The following C12orf42 variants were observed in gnomAD, a reference collection of about 807,000 sequenced individuals.
C12orf42 encodes the protein uncharacterized protein C12orf42.
Under a neutral mutation model 21.6 loss-of-function variants are expected in C12orf42, and 25 were observed. The observed-to-expected ratio is 1.16, with a 90% CI of 0.84 to 1.62. C12orf42 has a LOEUF of 1.62. Among genes scored for constraint, C12orf42 ranks in the 40% most tolerant of loss-of-function variants. The pLI, the probability that C12orf42 is intolerant of heterozygous loss-of-function variation, is 0.00. For missense variants in C12orf42, 483 were observed against 459.3 expected, an observed-to-expected ratio of 1.05 and a Z score of -0.47; for synonymous variants, 174 against 175.0, an observed-to-expected ratio of 0.99 and a Z score of 0.05.
chr12:103,379,972 T>C lies in C12orf42; in HGVS notation c.148-10974A>G, dbSNP rs572029590. On this transcript the variant is annotated intron_variant, in intron 3 of 5. Transcript: ENST00000548883. Reference sequence around the variant, plus strand: ...AGCGATAATGCAGCTTAGCATTGGTTTGGGCTTTTTCTTTAGCCAAAAGAT... The same window carrying C: ...AGCGATAATGCAGCTTAGCATTGGTCTGGGCTTTTTCTTTAGCCAAAAGAT... Among the ~76,000 whole-genome samples the C allele has an allele frequency of 4.6e-5, 7 of 152,344 alleles. No individual in the cohort carries two copies. In the East Asian group the frequency reaches 1.3e-3, roughly 29 times the overall value.
At chr12:103,163,561 G>T in the C12orf42 span, among the ~76,000 whole-genome samples, 2 of 152,168 alleles carry the variant, frequency 1.3e-5, no homozygotes, top group Non-Finnish European at 2.9e-5. Context: ...TCTGTCCACA[G>T]CTTGACCAGT....
intron 4 of C12orf42, among the ~76,000 whole-genome samples, chr12:103,278,996 A>G (rs2035944377): frequency 6.6e-6 from 1 of 152,128 alleles, no homozygotes; most frequent in Non-Finnish European, 1.5e-5. Flanking sequence ...TGCCTGGCTT[A>G]TTTCACTTAA....
intron 4 of C12orf42, among the ~76,000 whole-genome samples, chr12:103,290,008 G>A (rs2036695429): frequency 6.6e-6 from 1 of 152,152 alleles, no homozygotes; most frequent in African/African-American, 2.4e-5. Flanking sequence ...CTGCACTAAT[G>A]CCTGCCTCCC....
the C12orf42 span, among the ~76,000 whole-genome samples, chr12:103,158,018 T>C: frequency 6.6e-6 from 1 of 152,216 alleles, no homozygotes; most frequent in Non-Finnish European, 1.5e-5. Flanking sequence ...TTTTAAATTT[T>C]CACTCTATTA....
chr12:103,421,466 T>C (rs1306622117), intron 2 of C12orf42, among the ~76,000 whole-genome samples: 1 of 151,846 alleles, frequency 6.6e-6, no homozygotes, highest in Non-Finnish European at 1.5e-5. Context: ...CCCAGATACT[T>C]AGGAGGCTGA....
chr12:103,395,922 T>C (rs567135894), intron 3 of C12orf42, among the ~76,000 whole-genome samples: 5 of 148,692 alleles, frequency 3.4e-5, no homozygotes, highest in Admixed American at 2.0e-4. Flanking sequence ...AAATGCATTA[T>C]GTATAATATA....
the C12orf42 span, among the ~76,000 whole-genome samples, chr12:103,119,366 T>C: frequency 6.6e-6 from 1 of 152,196 alleles, no homozygotes; most frequent in East Asian, 1.9e-4. Flanking sequence ...TCAATAGCTG[T>C]TGATTATCAG....
At chr12:103,084,609 T>C in the C12orf42 span, among the ~76,000 whole-genome samples, 135 of 152,348 alleles carry the variant, frequency 8.9e-4, no homozygotes, top group Non-Finnish European at 1.6e-3. Flanking sequence ...ATTTGATTAG[T>C]GCATGATGAA....
chr12:103,368,686 G>T (rs1260140528), intron 4 of C12orf42, among the ~76,000 whole-genome samples: 1 of 152,052 alleles, frequency 6.6e-6, no homozygotes, highest in Non-Finnish European at 1.5e-5. Context: ...GATATTATTG[G>T]TGAACACTGG....
Position 103,306,024 on chromosome 12 carries a change from C to T in C12orf42, c.581G>A (p.Arg194Lys). 5.0e-6 allele frequency: 8 copies of T among 1,613,896 alleles called. No homozygotes were observed. The highest frequency in any genetic ancestry group is 6.8e-6 in the Non-Finnish European group (8 of 1,179,802). Residue 194 changes from arginine (R) to lysine (K), a missense_variant, in exon 5 of 6, where the codon AGA becomes AAA. Arg to Lys is a conservative substitution (Grantham distance 26). Transcript: ENST00000548883. The stretch of plus-strand genomic sequence containing the variant: ...GGGCTGGCCCTTAGGTCTTGTGTGT[C>T]TACTGATGTGTATGCCCTGAGCCTC... The part of the protein sequence containing the change: ...HLEAQGIHIS[R>K]HTRPKGQPLS...
At chr12:103,460,690 T>C (rs932523723) in intron 2 of C12orf42, among the ~76,000 whole-genome samples, 4 of 152,198 alleles carry the variant, frequency 2.6e-5, no homozygotes, top group African/African-American at 9.6e-5. Flanking sequence ...AGAATTTCTA[T>C]GAAAAAATGT....
At chr12:103,197,241 C>T in the C12orf42 span, among the ~76,000 whole-genome samples, 3 of 151,900 alleles carry the variant, frequency 2.0e-5, no homozygotes, top group African/African-American at 7.2e-5. Flanking sequence ...TGAATGTAGG[C>T]CTCTAATCTG....
chr12:103,434,126 C>T (rs1315275008), intron 2 of C12orf42, among the ~76,000 whole-genome samples: 2 of 152,108 alleles, frequency 1.3e-5, no homozygotes, highest in African/African-American at 4.8e-5. Flanking sequence ...AATGGCAAGA[C>T]CAGCTTCTTG....
intron 1 of C12orf42, among the ~76,000 whole-genome samples, chr12:103,495,429 C>T (rs1955463285): frequency 6.6e-6 from 1 of 151,844 alleles, no homozygotes; most frequent in South Asian, 2.1e-4. Context: ...CGCTCCCTCC[C>T]CCACCCCTCC....
downstream of C12orf42, among the ~76,000 whole-genome samples, chr12:103,236,641 A>T (rs2033475343): frequency 6.6e-6 from 1 of 152,202 alleles, no homozygotes; most frequent in Admixed American, 6.5e-5. Context: ...TATACGATTC[A>T]GTAATCAGTA....
intron 4 of C12orf42, among the ~76,000 whole-genome samples, chr12:103,363,790 AT>A (rs1171810395): frequency 6.6e-6 from 1 of 152,172 alleles, no homozygotes; most frequent in Non-Finnish European, 1.5e-5. Context: ...CAACAGGAAA[AT>A]ATCACAATCC....
the C12orf42 span, among the ~76,000 whole-genome samples, chr12:103,094,727 A>T: frequency 6.6e-6 from 1 of 152,180 alleles, no homozygotes; most frequent in African/African-American, 2.4e-5. Flanking sequence ...GTTGCCTGCC[A>T]CATAAAATTC....
At chr12:103,070,537 CACA>C in the C12orf42 span, among the ~76,000 whole-genome samples, 2 of 151,848 alleles carry the variant, frequency 1.3e-5, no homozygotes, top group Non-Finnish European at 1.5e-5. Flanking sequence ...CACACACACA[CACA>C]CACCCGACAC....
At chr12:103,537,486 T>C in the C12orf42 span, among the ~76,000 whole-genome samples, 1 of 152,134 alleles carries the variant, frequency 6.6e-6, no homozygotes, top group East Asian at 1.9e-4. Flanking sequence ...AAGTGGTGAC[T>C]TGCAAGAGTT....
Sources: allele counts gnomAD v4.1 joint callset (sites outside exome capture counted in the v4.1 genomes callset), GRCh38; gene constraint gnomAD v4.1.1; transcripts MANE v1.5; gene names NCBI Gene and HGNC (gene_info 2026-07-23, HGNC 2026-07-21).